The following CEP85L variants were observed in gnomAD, a reference collection of about 807,000 sequenced individuals.
CEP85L encodes centrosomal protein of 85 kDa-like.
Under a neutral mutation model 100.3 loss-of-function variants are expected in CEP85L, and 60 were observed. That is an observed-to-expected ratio of 0.60 (90% CI 0.49 to 0.74). The LOEUF is 0.74. CEP85L is among the 30% of genes least tolerant of loss of function. The probability of loss-of-function intolerance (pLI) is 0.00; values close to 1 mark genes in which losing one functional copy is unlikely to be tolerated. For synonymous variants in CEP85L, 319 were observed against 322.7 expected, an observed-to-expected ratio of 0.99 and a Z score of 0.12; for missense variants, 973 against 936.2, an observed-to-expected ratio of 1.04 and a Z score of -0.51.
intron 1 of CEP85L, among the ~76,000 whole-genome samples, chr6:118,648,510 G>A (rs1264030785): frequency 1.3e-5 from 2 of 152,122 alleles, no homozygotes; most frequent in African/African-American, 4.8e-5. Context: ...GGGAGGCCGA[G>A]GCAGGAGGAT....
chr6:118,511,301 C>A lies in CEP85L; in HGVS notation c.1254G>T (p.Leu418Phe). 1.2e-6 allele frequency: 2 copies of A among 1,602,222 alleles called. No individual in the cohort carries two copies. Among genetic ancestry groups the A allele is most frequent in the Admixed American group, 1.7e-5 (1 of 59,884 alleles). ...VNCEDSYVAS[L>F]QPQYENTSLQ... is the part of the protein sequence containing the mutation. ...ACAAAATCCTCTGTAATCTTACCTG[C>A]AAACTAGCCACATAAGAATCCTCAC... Residue 418 changes from leucine to phenylalanine, a missense_variant, in exon 5 of 13, where the codon TTG becomes TTT. Physicochemically the swap from Leu to Phe is conservative, Grantham distance 22 (BLOSUM62 0). Around this residue, in one of 3 missense-constraint regions of CEP85L, gnomAD observed 890 missense variants for 844.5 expected, o/e 1.05. Transcript: ENST00000368491.
chr6:118,558,917 G>C, intron 3 of CEP85L: 1 of 1,612,954 alleles, frequency 6.2e-7, no homozygotes, highest in Non-Finnish European at 8.5e-7. Context: ...TGTCCTGCTG[G>C]TATCATGGAG....
At chr6:118,634,230 G>C (rs1320815329) in intron 1 of CEP85L, among the ~76,000 whole-genome samples, 1 of 140,480 alleles carries the variant, frequency 7.1e-6, no homozygotes, top group African/African-American at 2.7e-5. Context: ...AACAACAAAC[G>C]TGCATAAAAT....
At chr6:118,675,190 A>C (rs1776445265) in intron 1 of CEP85L, among the ~76,000 whole-genome samples, 1 of 152,156 alleles carries the variant, frequency 6.6e-6, no homozygotes, top group East Asian at 1.9e-4. Context: ...GAACTTTGAA[A>C]ACATTATACT....
intron 2 of CEP85L, among the ~76,000 whole-genome samples, chr6:118,610,994 T>C (rs763147430): frequency 3.3e-5 from 5 of 152,112 alleles, no homozygotes; most frequent in South Asian, 2.1e-4. Context: ...TAATTTGTCA[T>C]TGGAGATCTA....
Position 118,707,971 on chromosome 6 carries a change from G to T in CEP85L, c.-28+2065C>A, listed in dbSNP as rs370737156. On this transcript the variant is annotated intron_variant, in intron 1 of 13. Transcript: ENST00000368488. Reference sequence around the variant, plus strand: ...ATATGGGAGAAAGAGTTGCTTTTTTGGGGGGGGGACGGGGGGGAAACAATC... The same window carrying T: ...ATATGGGAGAAAGAGTTGCTTTTTTTGGGGGGGGACGGGGGGGAAACAATC... Among the ~76,000 whole-genome samples the T allele has an allele frequency of 6.9e-5, 10 of 145,074 alleles. No homozygotes were observed. In the East Asian group the frequency reaches 9.8e-4, roughly 14 times the overall value.
rs962599286 is a variant in CEP85L at position 118,464,613 on chromosome 6, A to C, written c.*792T>G. The C allele has an allele frequency of 6.6e-6, 1 of 151,818 alleles. No individual in the cohort carries two copies. The highest frequency in any genetic ancestry group is 1.5e-5 in the Non-Finnish European group (1 of 67,922). 9.4% of individuals were successfully genotyped at this position (151,818 alleles called of 1,614,324 possible). On this transcript the variant is annotated 3_prime_UTR_variant, in exon 13 of 13. Transcript: ENST00000368491. ...ATATATGTATATATATAAAACATAT[A>C]AATAAAAAATTGTAAATAGTAAGGA...
At chr6:118,580,185 T>C (rs1780489548) in intron 2 of CEP85L, among the ~76,000 whole-genome samples, 2 of 151,986 alleles carry the variant, frequency 1.3e-5, no homozygotes, top group Non-Finnish European at 2.9e-5. Flanking sequence ...TGTCTCTGTA[T>C]GGGGGAGCCC....
At chr6:118,546,824 G>A (rs1207432233) in intron 3 of CEP85L, among the ~76,000 whole-genome samples, 1 of 152,110 alleles carries the variant, frequency 6.6e-6, no homozygotes, top group Non-Finnish European at 1.5e-5. Flanking sequence ...GTAGCACTGA[G>A]AAAAGTATCA....
At position 118,697,544 on chromosome 6, in the gene CEP85L, T is replaced by C. The variant is rs1387267416; in HGVS notation, c.-28+12492A>G. Among the ~76,000 whole-genome samples the C allele has an allele frequency of 2.6e-5, 4 of 152,326 alleles. No homozygotes were observed. The East Asian group carries it at 7.7e-4, about 29-fold the overall frequency. On this transcript the variant is annotated intron_variant, in intron 1 of 13. Transcript: ENST00000368488. ...ACTGAGTAGCACTTCAGTAATCTAT[T>C]TTGTACATTTACTTTTAGTGATGCC...
chr6:118,609,446 T>C (rs1420352901), intron 2 of CEP85L, among the ~76,000 whole-genome samples: 1 of 152,214 alleles, frequency 6.6e-6, no homozygotes, highest in East Asian at 1.9e-4. Flanking sequence ...AAGAAATACA[T>C]AATAGTAGTT....
At chr6:118,578,867 G>C (rs924925924) in intron 2 of CEP85L, among the ~76,000 whole-genome samples, 1 of 152,130 alleles carries the variant, frequency 6.6e-6, no homozygotes, top group African/African-American at 2.4e-5. Context: ...CTTCTTTGCG[G>C]CACCGAGCAC....
chr6:118,699,071 A>C (rs1777311560), intron 1 of CEP85L, among the ~76,000 whole-genome samples: 1 of 152,060 alleles, frequency 6.6e-6, no homozygotes, highest in South Asian at 2.1e-4. Flanking sequence ...GCAGTGGACC[A>C]CTCTAAGTAT....
At chr6:118,687,403 T>A (rs1458973207) in intron 1 of CEP85L, among the ~76,000 whole-genome samples, 1 of 152,162 alleles carries the variant, frequency 6.6e-6, no homozygotes. Context: ...TAGCTGGATT[T>A]CCTAGGCTGA....
chr6:118,538,410 T>C (rs1451543510), intron 3 of CEP85L, among the ~76,000 whole-genome samples: 3 of 151,848 alleles, frequency 2.0e-5, no homozygotes, highest in African/African-American at 4.8e-5. Flanking sequence ...TAAATATATA[T>C]ATAAAAAACA....
At chr6:118,475,633 T>C (rs1773312735) in intron 10 of CEP85L, among the ~76,000 whole-genome samples, 2 of 151,996 alleles carry the variant, frequency 1.3e-5, no homozygotes, top group African/African-American at 2.4e-5. Flanking sequence ...GGATGACAGG[T>C]GTGAGCCACC....
At chr6:118,658,767 A>AT in intron 1 of CEP85L, among the ~76,000 whole-genome samples, 1 of 152,266 alleles carries the variant, frequency 6.6e-6, no homozygotes, top group East Asian at 1.9e-4. Context: ...TTAAGTTGAC[A>AT]TTTAACTATT....
intron 2 of CEP85L, among the ~76,000 whole-genome samples, chr6:118,581,429 TTTTTTAGGGAGGTA>T (rs1470660047): frequency 6.6e-6 from 1 of 152,056 alleles, no homozygotes; most frequent in Non-Finnish European, 1.5e-5. Flanking sequence ...AGATCCATTT[TTTTTTAGGGAGGTA>T]CACAGGTCAC....
At chr6:118,523,408 C>A (rs1033940107) in intron 4 of CEP85L, among the ~76,000 whole-genome samples, 27 of 152,160 alleles carry the variant, frequency 1.8e-4, no homozygotes, top group Admixed American at 1.6e-3. Context: ...TGGCTTCAGA[C>A]CTAGCATACA....
Sources: gnomAD v4.1 joint callset for allele counts (sites outside exome capture counted in the v4.1 genomes callset) on GRCh38, gnomAD v4.1.1 for gene constraint, gnomAD v4.1.1 regional missense constraint, MANE v1.5 for transcripts, NCBI Gene and HGNC (gene_info 2026-07-23, HGNC 2026-07-21) for gene names.